AOAH: variants seen among roughly 807,000 people sequenced by gnomAD.
AOAH encodes acyloxyacyl hydrolase (neutrophil).
A neutral mutation model predicts 92.2 loss-of-function variants in AOAH; 64 were observed. The observed-to-expected ratio is 0.69, with a 90% CI of 0.57 to 0.86. The LOEUF (loss-of-function observed/expected upper bound fraction) is 0.86, where lower values mean the gene tolerates loss of function less well. Among genes scored for constraint, AOAH ranks in the 40% least tolerant of loss-of-function variants. The pLI, the probability that AOAH is intolerant of heterozygous loss-of-function variation, is 0.00. For missense variants in AOAH, 656 were observed against 694.6 expected (o/e 0.94, Z 0.62); for synonymous variants, 263 against 254.5 (o/e 1.03, Z -0.32).
chr7:36,524,600 T>C (rs1472488906), intron 19 of AOAH, among the ~76,000 whole-genome samples: 1 of 151,526 alleles, frequency 6.6e-6, no homozygotes, highest in Non-Finnish European at 1.5e-5. Context: ...CGCCTGAACA[T>C]GGGAGGCAGA....
In AOAH at chr7:36,620,780, C is replaced by T. The variant is rs752702115; in HGVS notation, c.702+1G>A. 9 of 1,613,428 alleles carry T rather than the reference C, an allele frequency of 5.6e-6. No individual in the cohort carries two copies. The South Asian group carries it at 7.7e-5, about 14-fold the overall frequency. On this transcript the variant is annotated splice_donor_variant, in intron 9 of 20. Transcript: ENST00000617537. LOFTEE classifies it high-confidence loss of function. ...GGTTCAAGCTGAATTTAGTTGCTTA[C>T]CCAAATGCCATTACAGTTTGAATCC...
chr7:36,678,416 A>G (rs1203683662), intron 2 of AOAH, among the ~76,000 whole-genome samples: 1 of 152,214 alleles, frequency 6.6e-6, no homozygotes, highest in East Asian at 1.9e-4. Flanking sequence ...AAAAAAGTTA[A>G]AAGTACTGCT....
At chr7:36,595,985 T>C (rs1416525099) in intron 11 of AOAH, among the ~76,000 whole-genome samples, 2 of 152,232 alleles carry the variant, frequency 1.3e-5, no homozygotes, top group Non-Finnish European at 2.9e-5. Context: ...GGCCTCCTGC[T>C]TTTTTCCTCA....
At chr7:36,581,295 A>T (rs1406972766) in intron 12 of AOAH, among the ~76,000 whole-genome samples, 1 of 152,112 alleles carries the variant, frequency 6.6e-6, no homozygotes, top group Admixed American at 6.6e-5. Flanking sequence ...CATCTGTCTG[A>T]TTTCTAGCTT....
At chr7:36,585,933 T>C (rs2116723758) in intron 12 of AOAH, among the ~76,000 whole-genome samples, 1 of 152,236 alleles carries the variant, frequency 6.6e-6, no homozygotes, top group Admixed American at 6.5e-5. Context: ...TAATTAAAAA[T>C]GAAAAATTAA....
chr7:36,720,643 A>T (rs1462859708), intron 1 of AOAH, among the ~76,000 whole-genome samples: 1 of 152,160 alleles, frequency 6.6e-6, no homozygotes, highest in Non-Finnish European at 1.5e-5. Flanking sequence ...GAGAAAGGGT[A>T]TTATCAAGGG....
At chr7:36,663,045 A>G (rs1795310973) in intron 3 of AOAH, among the ~76,000 whole-genome samples, 1 of 152,122 alleles carries the variant, frequency 6.6e-6, no homozygotes, top group South Asian at 2.1e-4. Flanking sequence ...ACTACGCCTC[A>G]TTTGCTGAAT....
At chr7:36,584,700 C>T (rs556952751) in intron 12 of AOAH, among the ~76,000 whole-genome samples, 17 of 152,230 alleles carry the variant, frequency 1.1e-4, no homozygotes, top group African/African-American at 3.4e-4. Flanking sequence ...GTTTAACTTA[C>T]GCTGATTTAT....
chr7:36,537,436 G>A (rs1425612161), intron 16 of AOAH, among the ~76,000 whole-genome samples: 3 of 151,670 alleles, frequency 2.0e-5, no homozygotes, highest in East Asian at 3.9e-4. Context: ...TTGGGGTGCC[G>A]TCTCGTGCAT....
chr7:36,569,903 G>A lies in AOAH; in HGVS notation c.1021+6671C>T, dbSNP rs903261029. Among the ~76,000 whole-genome samples, 21 of 152,116 alleles carry A rather than the reference G, an allele frequency of 1.4e-4. 1 individual carries two copies. Among genetic ancestry groups the A allele is most frequent in the East Asian group, 7.7e-4 (4 of 5,188 alleles). Reference sequence around the variant, plus strand: ...GCTGGGATTATAGGCGTGAACCACCGCGCCCAGCCCCTACTTAAAAATATA... The same window carrying A: ...GCTGGGATTATAGGCGTGAACCACCACGCCCAGCCCCTACTTAAAAATATA... On this transcript the variant is annotated intron_variant, in intron 13 of 20. Transcript: ENST00000617537.
intron 4 of AOAH, among the ~76,000 whole-genome samples, chr7:36,647,984 T>A (rs1794330971): frequency 6.6e-6 from 1 of 151,946 alleles, no homozygotes; most frequent in Admixed American, 6.6e-5. Context: ...GTTCACGCCA[T>A]CATGCCGGGC....
intron 11 of AOAH, among the ~76,000 whole-genome samples, chr7:36,610,104 T>C (rs1037839399): frequency 3.0e-5 from 4 of 132,434 alleles, no homozygotes; most frequent in African/African-American, 1.2e-4. Flanking sequence ...AATTGGAAGG[T>C]TTTTTTCTTT....
intron 7 of AOAH, among the ~76,000 whole-genome samples, chr7:36,622,102 GTGTA>G (rs1194682551): frequency 2.0e-5 from 3 of 152,114 alleles, no homozygotes; most frequent in Admixed American, 1.3e-4. Flanking sequence ...GAATGTGAAT[GTGTA>G]TGTATGGGGG....
At chr7:36,608,106 G>A (rs1361481011) in intron 11 of AOAH, among the ~76,000 whole-genome samples, 1 of 152,220 alleles carries the variant, frequency 6.6e-6, no homozygotes, top group Non-Finnish European at 1.5e-5. Flanking sequence ...TCCTTGTCCA[G>A]GGCCCACGCT....
intron 8 of AOAH, among the ~76,000 whole-genome samples, chr7:36,621,162 C>T (rs1023035613): frequency 2.9e-4 from 44 of 152,350 alleles, no homozygotes; most frequent in African/African-American, 8.9e-4. Context: ...CATTGTGCCC[C>T]TAAATGCCCA....
In AOAH at chr7:36,652,449, T is replaced by C. The variant is rs78608647; in HGVS notation, c.390+6717A>G. ...TCAAAAGATATGTGTAGATATTCCATGTTCTGGGAGCAGGGGCTTGGTCCT... is the reference window on the plus strand; with the variant it reads ...TCAAAAGATATGTGTAGATATTCCACGTTCTGGGAGCAGGGGCTTGGTCCT... On this transcript the variant is annotated intron_variant, in intron 4 of 20. Coordinates refer to ENST00000617537, the MANE Select transcript of AOAH (RefSeq NM_001637.4). Among the ~76,000 whole-genome samples, 1,240 of 152,038 alleles carry C rather than the reference T, an allele frequency of 8.2e-3. 9 individuals carry two copies. Among genetic ancestry groups the C allele is most frequent in the Non-Finnish European group, 0.014 (943 of 67,962 alleles).
intron 4 of AOAH, among the ~76,000 whole-genome samples, chr7:36,644,160 T>C (rs1244769231): frequency 6.6e-6 from 1 of 152,142 alleles, no homozygotes; most frequent in Non-Finnish European, 1.5e-5. Flanking sequence ...AAGTAGTAGT[T>C]GCTATTCTCC....
chr7:36,607,677 A>G (rs1791108442), intron 11 of AOAH, among the ~76,000 whole-genome samples: 4 of 152,152 alleles, frequency 2.6e-5, no homozygotes, highest in Admixed American at 2.0e-4. Context: ...TTTTAAGTAA[A>G]ACTTCTTGCT....
intron 1 of AOAH, among the ~76,000 whole-genome samples, chr7:36,713,001 T>G (rs1798868826): frequency 2.0e-5 from 3 of 151,394 alleles, no homozygotes; most frequent in Admixed American, 2.0e-4. Flanking sequence ...TAAATGTAAA[T>G]GGGCTAAATG....
Sources: allele counts gnomAD v4.1 joint callset (sites outside exome capture counted in the v4.1 genomes callset), GRCh38; gene constraint gnomAD v4.1.1; transcripts MANE v1.5; gene names NCBI Gene and HGNC (gene_info 2026-07-23, HGNC 2026-07-21).